Variants in VPS36 observed in about 807,000 individuals in gnomAD.
VPS36 encodes vacuolar protein sorting 36 homolog.
In VPS36, 31 loss-of-function variants were observed where a neutral mutation model predicts 63.5. The ratio of observed to expected loss-of-function variants is 0.49; its 90% confidence interval spans 0.37 to 0.66. The LOEUF (loss-of-function observed/expected upper bound fraction) is 0.66. Among genes scored for constraint, VPS36 ranks in the 30% least tolerant of loss-of-function variants. VPS36 has a pLI of 0.00. For missense variants in VPS36, 338 were observed against 463.7 expected, an observed-to-expected ratio of 0.73 and a Z score of 2.49; for synonymous variants, 138 against 157.2, an observed-to-expected ratio of 0.88 and a Z score of 0.91.
At chr13:52,423,920 C>A (rs1300149235) in intron 9 of VPS36, among the ~76,000 whole-genome samples, 1 of 152,004 alleles carries the variant, frequency 6.6e-6, no homozygotes, top group East Asian at 1.9e-4. Context: ...TGCAGTGGTA[C>A]AATCTCAGCT....
intron 1 of VPS36, among the ~76,000 whole-genome samples, chr13:52,444,480 T>G (rs987808827): frequency 6.8e-6 from 1 of 147,576 alleles, no homozygotes; most frequent in African/African-American, 2.5e-5. Flanking sequence ...ATATATACAT[T>G]TTTATATAAA....
intron 1 of VPS36, among the ~76,000 whole-genome samples, chr13:52,446,013 G>T (rs1280568555): frequency 6.7e-6 from 1 of 149,288 alleles, no homozygotes; most frequent in East Asian, 2.0e-4. Flanking sequence ...CACTTTGGGA[G>T]GCCGAGGCAG....
chr13:52,423,481 T>G, intron 10 of VPS36, 93 bp downstream of exon 10: 6 of 1,082,926 alleles, frequency 5.5e-6, no homozygotes, highest in Non-Finnish European at 8.4e-6. Flanking sequence ...AAAATAGCTT[T>G]GATATTCACA....
chr13:52,419,811 T>C (rs1359789804), intron 10 of VPS36, among the ~76,000 whole-genome samples: 2 of 152,224 alleles, frequency 1.3e-5, no homozygotes, highest in African/African-American at 4.8e-5. Context: ...TCACATGTTC[T>C]CACTCATTAT....
At chr13:52,417,258 AAAC>A in intron 11 of VPS36, 117 bp from the exon 12 acceptor site, 3 of 766,246 alleles carry the variant, frequency 3.9e-6, no homozygotes, top group Non-Finnish European at 4.3e-6. Context: ...ATATTAAACA[AAAC>A]AACATTTAAA....
intron 6 of VPS36, among the ~76,000 whole-genome samples, chr13:52,428,992 AATT>A (rs1360064369): frequency 1.3e-5 from 2 of 152,120 alleles, no homozygotes; most frequent in African/African-American, 2.4e-5. Flanking sequence ...TTATTTTTAT[AATT>A]ATTATAAAAT....
intron 3 of VPS36, 105 bp from the exon 4 acceptor site, chr13:52,436,509 G>A (rs1490692048): frequency 2.4e-6 from 2 of 818,158 alleles, no homozygotes; most frequent in East Asian, 2.7e-5. Flanking sequence ...TAAAATTCAT[G>A]TAGAAACAAA....
chr13:52,433,512 G>A (rs1042076926), intron 6 of VPS36, 150 bp downstream of exon 6: 4 of 572,472 alleles, frequency 7.0e-6, no homozygotes, highest in African/African-American at 3.9e-5. Context: ...TTGCCAGCCC[G>A]AGGTAGACCT....
chr13:52,442,202 A>G (rs1035282452), intron 2 of VPS36, among the ~76,000 whole-genome samples, 175 bp downstream of exon 2: 5 of 152,224 alleles, frequency 3.3e-5, no homozygotes, highest in African/African-American at 9.6e-5. Context: ...CAGTTGATTT[A>G]AAACCTACAA....
chr13:52,425,252 CAAAAA>C (rs748988364), intron 9 of VPS36, among the ~76,000 whole-genome samples: 3 of 67,346 alleles, frequency 4.5e-5, no homozygotes, highest in Admixed American at 1.6e-4. Flanking sequence ...GACTCCGCCT[CAAAAA>C]AAAAAAAAAA....
chr13:52,421,867 G>A (rs1285613561), intron 10 of VPS36, among the ~76,000 whole-genome samples: 2 of 151,838 alleles, frequency 1.3e-5, no homozygotes, highest in African/African-American at 4.8e-5. Flanking sequence ...ATATTTATGG[G>A]GTACAGGGGC....
At chr13:52,437,204 T>G (rs1408135365) in intron 3 of VPS36, among the ~76,000 whole-genome samples, 1 of 152,168 alleles carries the variant, frequency 6.6e-6, no homozygotes, top group African/African-American at 2.4e-5. Flanking sequence ...TTACTTTTCT[T>G]TTTTTGGAAC....
chr13:52,434,871 A>G lies in VPS36; in HGVS notation c.363T>C (p.Arg121=), dbSNP rs1958197910. 1 of 1,613,642 alleles carries G rather than the reference A, an allele frequency of 6.2e-7. No homozygotes were observed. The highest frequency in any genetic ancestry group is 1.3e-5 in the African/African-American group (1 of 74,858). ...TTCTTTGTGTCATTTCCTCTGATAA[A>G]CGCCTGTAAAACTGATACGCAAATA... The part of the protein sequence containing the change: ...KEHGQIEFYR[R]LSEEMTQRRW... Residue 121 remains arginine (R), a synonymous_variant, in exon 5 of 14, where the codon CGT becomes CGC. Coordinates refer to ENST00000378060, the MANE Select transcript of VPS36 (RefSeq NM_016075.4).
chr13:52,432,408 A>C (rs1304853748), intron 6 of VPS36, among the ~76,000 whole-genome samples: 1 of 152,226 alleles, frequency 6.6e-6, no homozygotes, highest in Non-Finnish European at 1.5e-5. Flanking sequence ...CATCGTCAAA[A>C]GATAATAAGG....
In VPS36 at chr13:52,412,800, C is replaced by T. The variant is rs2137762499; in HGVS notation, c.*3030G>A. The T allele has an allele frequency of 6.6e-6, 1 of 152,212 alleles. No homozygotes were observed. Among genetic ancestry groups the T allele is most frequent in the East Asian group, 1.9e-4 (1 of 5,184 alleles). The allele number at this position is 152,212 out of a possible 1,614,324, so 9.4% of individuals were successfully genotyped here. A position where few individuals can be genotyped will look rare whatever the true frequency, so the allele number is the denominator to read the frequency against. ...GAACAAACCAGATAAAAACTTCTGCCCTTGCGCAGCTTATACTCTAGATCG... is the reference window on the plus strand; with the variant it reads ...GAACAAACCAGATAAAAACTTCTGCTCTTGCGCAGCTTATACTCTAGATCG... On this transcript the variant is annotated 3_prime_UTR_variant, in exon 14 of 14. Coordinates refer to ENST00000378060, the MANE Select transcript of VPS36 (RefSeq NM_016075.4).
At position 52,415,700 on chromosome 13, in the gene VPS36, A is replaced by G; in HGVS notation, c.*130T>C. ...TGGACCATATTTAGTGAGAAATTAAAAGAGATTTACATTGCACTGTGAAGT... is the reference window on the plus strand; with the variant it reads ...TGGACCATATTTAGTGAGAAATTAAGAGAGATTTACATTGCACTGTGAAGT... On this transcript the variant is annotated 3_prime_UTR_variant, in exon 14 of 14. Coordinates refer to ENST00000378060, the MANE Select transcript of VPS36 (RefSeq NM_016075.4). 1 of 893,956 alleles carries G rather than the reference A, an allele frequency of 1.1e-6. No homozygotes were observed. The highest frequency in any genetic ancestry group is 1.7e-5 in the South Asian group (1 of 59,714). The allele number at this position is 893,956 out of a possible 1,614,324, so 55.4% of individuals were successfully genotyped here. A position where few individuals can be genotyped will look rare whatever the true frequency, so the allele number is the denominator to read the frequency against.
chr13:52,438,902 C>T (rs534320504), intron 3 of VPS36, among the ~76,000 whole-genome samples, 196 bp downstream of exon 3: 12 of 152,110 alleles, frequency 7.9e-5, no homozygotes, highest in Non-Finnish European at 1.3e-4. Context: ...AAAGTGTCTA[C>T]GGAAAGACAA....
intron 10 of VPS36, among the ~76,000 whole-genome samples, chr13:52,419,665 A>G (rs548571550): frequency 5.9e-5 from 9 of 152,366 alleles, no homozygotes; most frequent in Admixed American, 5.9e-4. Context: ...AAGAAAGGAA[A>G]GGAGTGTATC....
chr13:52,437,311 A>G (rs1196383386), intron 3 of VPS36, among the ~76,000 whole-genome samples: 1 of 152,212 alleles, frequency 6.6e-6, no homozygotes, highest in Non-Finnish European at 1.5e-5. Context: ...GACTCCTCCT[A>G]TTCCCTTGTG....
Sources: gnomAD v4.1 joint callset for allele counts (sites outside exome capture counted in the v4.1 genomes callset) on GRCh38, gnomAD v4.1.1 for gene constraint, MANE v1.5 for transcripts, NCBI Gene and HGNC (gene_info 2026-07-23, HGNC 2026-07-21) for gene names.